CPEB1: variants seen among roughly 807,000 people sequenced by gnomAD.
CPEB1 encodes the protein cytoplasmic polyadenylation element-binding protein 1.
In CPEB1, 7 loss-of-function variants were observed where a neutral mutation model predicts 65.8. That is an observed-to-expected ratio of 0.11 (90% confidence interval 0.06 to 0.20). The LOEUF (loss-of-function observed/expected upper bound fraction) is 0.20. CPEB1 is among the 10% of genes least tolerant of loss of function. The probability of loss-of-function intolerance (pLI) is 1.00; values close to 1 mark genes in which losing one functional copy is unlikely to be tolerated. For synonymous variants in CPEB1, 262 were observed against 260.0 expected, an observed-to-expected ratio of 1.01 and a Z score of -0.08; for missense variants, 551 against 712.2, an observed-to-expected ratio of 0.77 and a Z score of 2.58.
chr15:82,562,186 A>T (rs1157424782), intron 4 of CPEB1: 1 of 452,186 alleles, frequency 2.2e-6, no homozygotes, highest in African/African-American at 2.0e-5. Context: ...TTAGGACTTC[A>T]CATCTGTTTG....
At chr15:82,646,138 ATTT>A (rs1031940695) in intron 1 of CPEB1, among the ~76,000 whole-genome samples, 44 of 152,100 alleles carry the variant, frequency 2.9e-4, no homozygotes, top group African/African-American at 1.1e-3. Flanking sequence ...ATTTATTTTT[ATTT>A]TTTAACCCAG....
chr15:82,580,466 T>C (rs2041171586), intron 3 of CPEB1, among the ~76,000 whole-genome samples: 1 of 152,190 alleles, frequency 6.6e-6, no homozygotes, highest in Admixed American at 6.5e-5. Flanking sequence ...AATAAAAATG[T>C]AGATACCAAG....
chr15:82,580,319 TAAA>T (rs370232078), intron 3 of CPEB1, among the ~76,000 whole-genome samples: 3 of 133,506 alleles, frequency 2.2e-5, no homozygotes, highest in Non-Finnish European at 3.3e-5. Flanking sequence ...GACTCTGTCT[TAAA>T]AAAAAAAAAA....
At chr15:82,544,814 CCT>C in intron 12 of CPEB1, 112 bp from the exon 13 acceptor site, 12 of 767,990 alleles carry the variant, frequency 1.6e-5, no homozygotes, top group Non-Finnish European at 2.5e-5. Context: ...CTCCCGATGG[CCT>C]CTGTGGGTTA....
At chr15:82,629,407 T>C (rs1337165678) in intron 1 of CPEB1, 2 of 984,906 alleles carry the variant, frequency 2.0e-6, no homozygotes, top group Non-Finnish European at 1.2e-6. Flanking sequence ...TTAACTGGCA[T>C]GAGAAGATGG....
At chr15:82,553,616 C>G in intron 7 of CPEB1, 60 bp from the exon 8 acceptor site, 1 of 1,256,670 alleles carries the variant, frequency 8.0e-7, no homozygotes, top group Non-Finnish European at 1.2e-6. Context: ...AGTAAAGACA[C>G]AAACACAGAA....
chr15:82,633,442 C>G (rs931692166), intron 1 of CPEB1, among the ~76,000 whole-genome samples: 1 of 152,202 alleles, frequency 6.6e-6, no homozygotes, highest in African/African-American at 2.4e-5. Context: ...GCTCAATCTC[C>G]GCTCTCTGTA....
chr15:82,606,611 G>A (rs1596096176), intron 3 of CPEB1, among the ~76,000 whole-genome samples: 1 of 48,776 alleles, frequency 2.1e-5, no homozygotes, highest in South Asian at 7.6e-4. Context: ...GAGGTCAGGA[G>A]ATCGAGACCA....
intron 4 of CPEB1, among the ~76,000 whole-genome samples, chr15:82,569,272 G>A (rs896469157): frequency 6.6e-6 from 1 of 152,174 alleles, no homozygotes; most frequent in African/African-American, 2.4e-5. Context: ...AGAGCCCAGG[G>A]AAAGAAGAGC....
chr15:82,599,353 T>C (rs866587121), intron 3 of CPEB1, among the ~76,000 whole-genome samples: 14 of 151,964 alleles, frequency 9.2e-5, no homozygotes, highest in African/African-American at 2.4e-4. Context: ...TACTGAAATA[T>C]TGAAATACAA....
chr15:82,648,562 C>G (rs1047796301), upstream of CPEB1: 1 of 152,326 alleles, frequency 6.6e-6, no homozygotes, highest in Non-Finnish European at 1.5e-5. Context: ...TTCCGGCGCT[C>G]CTGACACACT....
In CPEB1 at chr15:82,617,307, A is replaced by C. The variant is rs542964831; in HGVS notation, c.271+9886T>G. On this transcript the variant is annotated intron_variant, in intron 3 of 12. Coordinates refer to ENST00000684509, the MANE Select transcript of CPEB1 (RefSeq NM_001365242.1). ...TTTATCCATTCATCTATTGATGGAC[A>C]TCTGGGTTGTTTCCAGGTTTTGGCT... is the stretch of plus-strand genomic sequence containing the variant. Among the ~76,000 whole-genome samples the C allele has an allele frequency of 2.0e-5, 3 of 152,354 alleles. No individual in the cohort carries two copies. In the East Asian group the frequency reaches 5.8e-4, roughly 29 times the overall value.
intron 3 of CPEB1, chr15:82,571,758 T>C: frequency 7.4e-7 from 1 of 1,348,136 alleles, no homozygotes; most frequent in African/African-American, 1.5e-5. Context: ...CCCGTCTGCA[T>C]TACAGACTGG....
At chr15:82,624,185 A>G (rs138692626) in intron 3 of CPEB1, among the ~76,000 whole-genome samples, 2,701 of 152,292 alleles carry the variant, frequency 0.018, 30 homozygotes, top group Non-Finnish European at 0.026. Flanking sequence ...TTGTTTCACC[A>G]TTCGAGAATA....
At chr15:82,553,801 C>G in intron 7 of CPEB1, 77 bp downstream of exon 7, 1 of 1,084,740 alleles carries the variant, frequency 9.2e-7, no homozygotes, top group South Asian at 1.3e-5. Context: ...AGCCCCTGGC[C>G]TCAATTCCAA....
chr15:82,615,604 A>T (rs997321830), intron 3 of CPEB1, among the ~76,000 whole-genome samples: 2 of 152,206 alleles, frequency 1.3e-5, no homozygotes, highest in African/African-American at 4.8e-5. Context: ...TGCTACACGT[A>T]TTATTTTAAC....
intron 3 of CPEB1, among the ~76,000 whole-genome samples, chr15:82,610,749 G>C (rs997149168): frequency 6.6e-6 from 1 of 151,554 alleles, no homozygotes; most frequent in Non-Finnish European, 1.5e-5. Context: ...CCTGAGGTCA[G>C]GAGTTGGAGT....
intron 3 of CPEB1, among the ~76,000 whole-genome samples, chr15:82,594,252 T>G (rs573069921): frequency 6.6e-6 from 1 of 152,342 alleles, no homozygotes; most frequent in South Asian, 2.1e-4. Flanking sequence ...CCAATGATCT[T>G]AGCTAGATCT....
At position 82,543,467 on chromosome 15, in the gene CPEB1, A is replaced by T. The variant is rs1168842273; in HGVS notation, c.*1125T>A. The T allele has an allele frequency of 6.7e-6, 1 of 149,202 alleles. No individual in the cohort carries two copies. 9.2% of individuals were successfully genotyped at this position (149,202 alleles called of 1,614,324 possible). The stretch of plus-strand genomic sequence containing the variant: ...TGGGTTTTTTGTTTCTTTTTAAAAA[A>T]AAAAAAAAAAAAAAAAAGGAAAGAA... On this transcript the variant is annotated 3_prime_UTR_variant, in exon 13 of 13. Transcript: ENST00000684509.
Sources: allele counts gnomAD v4.1 joint callset (sites outside exome capture counted in the v4.1 genomes callset), GRCh38; gene constraint gnomAD v4.1.1; transcripts MANE v1.5; gene names NCBI Gene and HGNC (gene_info 2026-07-23, HGNC 2026-07-21).